ST6GALNAC3: variants seen among roughly 807,000 people sequenced by gnomAD.
ST6GALNAC3 encodes ST6 N-acetylgalactosaminide alpha-2,6-sialyltransferase 3.
A neutral mutation model predicts 32.7 loss-of-function variants in ST6GALNAC3; 25 were observed. That is an observed-to-expected ratio of 0.76 (90% CI 0.56 to 1.07). The LOEUF (loss-of-function observed/expected upper bound fraction) is 1.07, where lower values mean the gene tolerates loss of function less well. Ranked by LOEUF, ST6GALNAC3 falls within the 50% of genes least tolerant of loss-of-function variation. ST6GALNAC3 has a pLI of 0.00. For missense variants in ST6GALNAC3, 355 were observed against 382.4 expected (o/e 0.93, Z 0.60); for synonymous variants, 129 against 133.1 (o/e 0.97, Z 0.21).
intron 1 of ST6GALNAC3, among the ~76,000 whole-genome samples, chr1:76,103,873 C>T (rs1433914740): frequency 6.6e-6 from 1 of 152,126 alleles, no homozygotes; most frequent in Admixed American, 6.6e-5. Flanking sequence ...TAAGGTAAGT[C>T]CTCCTCTCAG....
chr1:76,589,991 A>G (rs1647022772), intron 3 of ST6GALNAC3, among the ~76,000 whole-genome samples: 1 of 152,134 alleles, frequency 6.6e-6, no homozygotes, highest in Admixed American at 6.5e-5. Context: ...TCAATGGGCT[A>G]AGTATCCTAC....
intron 1 of ST6GALNAC3, among the ~76,000 whole-genome samples, chr1:76,120,225 C>A (rs1648780785): frequency 6.6e-6 from 1 of 152,228 alleles, no homozygotes; most frequent in Non-Finnish European, 1.5e-5. Flanking sequence ...GGAACAGTGG[C>A]AGTTCCTGAG....
chr1:76,373,246 C>A (rs1650974052), intron 2 of ST6GALNAC3, among the ~76,000 whole-genome samples: 1 of 152,130 alleles, frequency 6.6e-6, no homozygotes, highest in Non-Finnish European at 1.5e-5. Flanking sequence ...TCAAATTATG[C>A]CTCTAGTGCT....
chr1:76,525,037 A>G lies in ST6GALNAC3; in HGVS notation c.624-102415A>G, dbSNP rs190981841. ...TTTGTAAGATTATATTTCCATTTCT[A>G]CATAATATTCTCTCATTATGAAATC... On this transcript the variant is annotated intron_variant, in intron 3 of 4. Coordinates refer to ENST00000328299, the MANE Select transcript of ST6GALNAC3 (RefSeq NM_152996.4). 2.6e-3 allele frequency among the ~76,000 whole-genome samples: 392 copies of G among 152,264 alleles called. 3 individuals are homozygous for G. Among genetic ancestry groups the G allele is most frequent in the African/African-American group, 8.6e-3 (356 of 41,564 alleles).
At chr1:76,283,723 A>G (rs780714920) in intron 1 of ST6GALNAC3, among the ~76,000 whole-genome samples, 14 of 152,138 alleles carry the variant, frequency 9.2e-5, no homozygotes, top group Non-Finnish European at 1.0e-4. Context: ...CTATTTCTTC[A>G]GTGATTCTGG....
chr1:76,088,866 T>A (rs1157301358), intron 1 of ST6GALNAC3, among the ~76,000 whole-genome samples: 2 of 152,302 alleles, frequency 1.3e-5, no homozygotes, highest in East Asian at 3.9e-4. Flanking sequence ...TCCGGTGGCA[T>A]GAAGGAACAG....
intron 3 of ST6GALNAC3, among the ~76,000 whole-genome samples, chr1:76,514,909 C>T (rs2101768795): frequency 6.6e-6 from 1 of 152,132 alleles, no homozygotes; most frequent in Middle Eastern, 3.4e-3. Context: ...CTACTATATT[C>T]TGTTTGCTAG....
intron 3 of ST6GALNAC3, among the ~76,000 whole-genome samples, chr1:76,447,604 C>G (rs1041339731): frequency 1.3e-5 from 2 of 152,104 alleles, no homozygotes; most frequent in Admixed American, 6.5e-5. Flanking sequence ...GAGATGGTTT[C>G]GTGGGCCAGG....
intron 1 of ST6GALNAC3, among the ~76,000 whole-genome samples, chr1:76,259,260 C>A (rs1658092794): frequency 6.6e-6 from 1 of 152,040 alleles, no homozygotes; most frequent in African/African-American, 2.4e-5. Flanking sequence ...TTTCTAATGA[C>A]AGAAGAAATC....
intron 3 of ST6GALNAC3, among the ~76,000 whole-genome samples, chr1:76,429,003 T>G (rs1361884190): frequency 6.6e-6 from 1 of 150,454 alleles, no homozygotes; most frequent in Non-Finnish European, 1.5e-5. Context: ...AGTATGAGTC[T>G]TTACTAAGGG....
chr1:76,192,320 GC>G (rs1344080679), intron 1 of ST6GALNAC3, among the ~76,000 whole-genome samples: 36 of 152,240 alleles, frequency 2.4e-4, no homozygotes, highest in Admixed American at 2.0e-4. Context: ...GACAAATTTT[GC>G]CTGTAGTCCT....
intron 3 of ST6GALNAC3, among the ~76,000 whole-genome samples, chr1:76,416,834 A>C (rs192672447): frequency 2.0e-4 from 31 of 151,728 alleles, no homozygotes; most frequent in African/African-American, 7.0e-4. Context: ...CACCATATTG[A>C]CCAGGCTAGT....
chr1:76,198,885 G>T (rs1654364833), intron 1 of ST6GALNAC3, among the ~76,000 whole-genome samples: 1 of 152,168 alleles, frequency 6.6e-6, no homozygotes, highest in Non-Finnish European at 1.5e-5. Context: ...CTCTGGGCAA[G>T]GCTAATTAAG....
At chr1:76,534,860 G>A in intron 3 of ST6GALNAC3, among the ~76,000 whole-genome samples, 1 of 152,152 alleles carries the variant, frequency 6.6e-6, no homozygotes. Flanking sequence ...TGGAATAATA[G>A]ATTATACAGG....
At chr1:76,157,333 G>A (rs1372804462) in intron 1 of ST6GALNAC3, among the ~76,000 whole-genome samples, 1 of 152,100 alleles carries the variant, frequency 6.6e-6, no homozygotes, top group Non-Finnish European at 1.5e-5. Flanking sequence ...CCTATCTGTA[G>A]CCTCCTACTC....
At chr1:76,172,783 T>G (rs547612148) in intron 1 of ST6GALNAC3, among the ~76,000 whole-genome samples, 5 of 152,070 alleles carry the variant, frequency 3.3e-5, no homozygotes, top group African/African-American at 1.2e-4. Flanking sequence ...TAACAAGGGA[T>G]GTGAAGACCT....
chr1:76,303,985 T>C (rs1470278102), intron 1 of ST6GALNAC3, among the ~76,000 whole-genome samples: 1 of 144,464 alleles, frequency 6.9e-6, no homozygotes, highest in Non-Finnish European at 1.5e-5. Flanking sequence ...CCCCACCACA[T>C]TCACCTCAAA....
chr1:76,494,468 T>TATATATACAC (rs1472545640), intron 3 of ST6GALNAC3, among the ~76,000 whole-genome samples: 973 of 59,474 alleles, frequency 0.016, 121 homozygotes, highest in Non-Finnish European at 0.021. Context: ...TATATATATA[T>TATATATACAC]ACACACACAC....
At position 76,499,204 on chromosome 1, in the gene ST6GALNAC3, G is replaced by A. The variant is rs185565912; in HGVS notation, c.623+86787G>A. ...AACTGGCATAATTAAAAATCTTGAT[G>A]TAATGTTGGTAAGAATATGGGGAAA... On this transcript the variant is annotated intron_variant, in intron 3 of 4. Coordinates refer to ENST00000328299, the MANE Select transcript of ST6GALNAC3 (RefSeq NM_152996.4). 5.1e-4 allele frequency among the ~76,000 whole-genome samples: 78 copies of A among 152,326 alleles called. No homozygotes were observed. The East Asian group carries it at 0.014, about 26-fold the overall frequency.
Sources: gnomAD v4.1 joint callset for allele counts (sites outside exome capture counted in the v4.1 genomes callset) on GRCh38, gnomAD v4.1.1 for gene constraint, MANE v1.5 for transcripts, NCBI Gene and HGNC (gene_info 2026-07-23, HGNC 2026-07-21) for gene names.